Variants in BLTP1 observed in about 807,000 individuals in gnomAD.
BLTP1 encodes the protein fragile site-associated protein.
chr4:122,195,596 A>G, the BLTP1 span: 1 of 198,488 alleles, frequency 5.0e-6, no homozygotes, highest in Non-Finnish European at 9.1e-6. Flanking sequence ...GTGAAGCTAC[A>G]GCATGAAGTG....
the BLTP1 span, chr4:122,344,712 CTG>C: frequency 4.1e-6 from 5 of 1,220,996 alleles, no homozygotes; most frequent in South Asian, 3.6e-5. Context: ...GCCTACGGTA[CTG>C]TGTCAATCCA....
the BLTP1 span, chr4:122,222,795 C>G: frequency 6.2e-6 from 1 of 160,536 alleles, no homozygotes; most frequent in African/African-American, 2.4e-5. Context: ...CGCAAAAATC[C>G]TGTTTTCAAA....
chr4:122,205,894 C>G, the BLTP1 span: 26 of 959,664 alleles, frequency 2.7e-5, no homozygotes, highest in Middle Eastern at 1.1e-3. Flanking sequence ...CTAGGAGGAG[C>G]CCTTTTATTG....
the BLTP1 span, chr4:122,291,976 T>G: frequency 3.4e-5 from 9 of 266,168 alleles, no homozygotes; most frequent in Non-Finnish European, 5.1e-5. Context: ...GTTTTTTTTT[T>G]TTTTTTTTTT....
the BLTP1 span, among the ~76,000 whole-genome samples, chr4:122,165,643 G>A: frequency 2.3e-5 from 3 of 128,158 alleles, 1 homozygote; most frequent in Non-Finnish European, 5.2e-5. Context: ...CTGAGGAATC[G>A]CCACACTGAC....
chr4:122,249,054 T>C, the BLTP1 span: 3 of 962,860 alleles, frequency 3.1e-6, no homozygotes, highest in Non-Finnish European at 3.7e-6. Flanking sequence ...ATTGTAGTTA[T>C]GTAAAATATG....
chr4:122,315,341 T>C, the BLTP1 span: 1 of 1,293,578 alleles, frequency 7.7e-7, no homozygotes. Context: ...TAGTCTGATG[T>C]TTCTGACAAG....
chr4:122,262,193 A>AT, the BLTP1 span, among the ~76,000 whole-genome samples: 2 of 58,830 alleles, frequency 3.4e-5, no homozygotes, highest in Non-Finnish European at 9.1e-5. Flanking sequence ...TGTGTATAGT[A>AT]AGTTTTTCTA....
chr4:122,227,862 C>T, the BLTP1 span: 2 of 151,118 alleles, frequency 1.3e-5, no homozygotes, highest in African/African-American at 2.4e-5. Flanking sequence ...TTAGGTGCCT[C>T]CCCCTCCTTT....
chr4:122,207,212 G>A, the BLTP1 span: 1 of 1,611,820 alleles, frequency 6.2e-7, no homozygotes, highest in East Asian at 2.2e-5. Flanking sequence ...GAAATGATTT[G>A]GGCTGCTAAT....
At chr4:122,201,087 A>G in the BLTP1 span, 1 of 1,613,710 alleles carries the variant, frequency 6.2e-7, no homozygotes, top group Non-Finnish European at 8.5e-7. Context: ...TTATAAAGCC[A>G]CTTACCACTT....
the BLTP1 span, chr4:122,189,262 AT>A: frequency 2.2e-5 from 21 of 953,354 alleles, no homozygotes; most frequent in Non-Finnish European, 2.6e-5. Context: ...TGCATTTAAT[AT>A]CATCTAATGA....
chr4:122,347,556 G>C, the BLTP1 span: 4 of 1,613,428 alleles, frequency 2.5e-6, no homozygotes, highest in Non-Finnish European at 3.4e-6. Flanking sequence ...CCATTGAAGG[G>C]GTAAGCCAAC....
chr4:122,353,580 T>C, the BLTP1 span, among the ~76,000 whole-genome samples: 2 of 152,152 alleles, frequency 1.3e-5, no homozygotes, highest in Non-Finnish European at 2.9e-5. The surrounding 1 kb of genome is among the most constrained non-coding windows in gnomAD (Gnocchi z 4.3). Context: ...GGTTTCTACA[T>C]TGAGGGAAAA....
chr4:122,178,950 T>TACAA, the BLTP1 span, among the ~76,000 whole-genome samples: 17 of 152,118 alleles, frequency 1.1e-4, no homozygotes, highest in Non-Finnish European at 2.1e-4. Context: ...CTTAGAAAAG[T>TACAA]ATTGAACAAA....
the BLTP1 span, chr4:122,247,561 T>C: frequency 1.9e-6 from 2 of 1,071,848 alleles, no homozygotes; most frequent in East Asian, 2.8e-5. Context: ...TAAACTTTGG[T>C]AAGAAAATTA....
the BLTP1 span, among the ~76,000 whole-genome samples, chr4:122,163,867 C>G: frequency 2.0e-5 from 3 of 152,184 alleles, no homozygotes; most frequent in African/African-American, 7.2e-5. Context: ...TCTTTTGATT[C>G]TACTGTTGTT....
the BLTP1 span, chr4:122,328,214 A>C: frequency 6.2e-7 from 1 of 1,611,490 alleles, no homozygotes; most frequent in Non-Finnish European, 8.5e-7. Flanking sequence ...CCAAAACTCC[A>C]GGAGGCTTTT....
the BLTP1 span, chr4:122,274,206 A>G: frequency 1.5e-5 from 9 of 607,896 alleles, no homozygotes; most frequent in Admixed American, 1.8e-4. Context: ...GTAGCTCTGA[A>G]ATAGTTGAAC....
Sources: allele counts gnomAD v4.1 joint callset (sites outside exome capture counted in the v4.1 genomes callset), GRCh38; gene constraint gnomAD v4.1.1; non-coding constraint Gnocchi (gnomAD v3.1); transcripts MANE v1.5; gene names NCBI Gene and HGNC (gene_info 2026-07-23, HGNC 2026-07-21).